The following PRKCA variants were observed in gnomAD, a reference collection of about 807,000 sequenced individuals.
PRKCA encodes protein kinase C alpha type.
In PRKCA, 27 loss-of-function variants were observed where a neutral mutation model predicts 87.0. The ratio of observed to expected loss-of-function variants is 0.31; its 90% confidence interval spans 0.23 to 0.43. The LOEUF is 0.43. PRKCA is among the 20% of genes least tolerant of loss of function. PRKCA has a pLI of 1.00. For synonymous variants in PRKCA, 329 were observed against 311.1 expected, an observed-to-expected ratio of 1.06 and a Z score of -0.61; for missense variants, 518 against 852.3, an observed-to-expected ratio of 0.61 and a Z score of 4.88.
At chr17:66,569,633 G>A (rs1453928563) in intron 3 of PRKCA, among the ~76,000 whole-genome samples, 1 of 152,118 alleles carries the variant, frequency 6.6e-6, no homozygotes, top group Non-Finnish European at 1.5e-5. Context: ...AAAATGGGGA[G>A]GAGATTTGTA....
chr17:66,351,472 C>T (rs765718930), intron 2 of PRKCA, among the ~76,000 whole-genome samples: 8 of 152,120 alleles, frequency 5.3e-5, no homozygotes, highest in Admixed American at 2.6e-4. Context: ...TTTTTAGATT[C>T]GAGAGCTCAT....
intron 5 of PRKCA, among the ~76,000 whole-genome samples, chr17:66,667,109 G>A (rs564835627): frequency 1.1e-4 from 16 of 152,316 alleles, no homozygotes; most frequent in African/African-American, 2.4e-4. Flanking sequence ...AGAGCAAGCC[G>A]AAGGTCCCTG....
chr17:66,693,035 A>G (rs1972824451), intron 8 of PRKCA, among the ~76,000 whole-genome samples: 1 of 152,258 alleles, frequency 6.6e-6, no homozygotes, highest in African/African-American at 2.4e-5. Flanking sequence ...AGTTGGATGA[A>G]AGGGAAACCA....
chr17:66,366,055 T>C (rs1908699506), intron 2 of PRKCA, among the ~76,000 whole-genome samples: 2 of 152,184 alleles, frequency 1.3e-5, no homozygotes, highest in Admixed American at 1.3e-4. Flanking sequence ...ATCCTTAAGA[T>C]TGTGAGAACT....
At chr17:66,632,744 T>A (rs1971056394) in intron 3 of PRKCA, among the ~76,000 whole-genome samples, 1 of 152,366 alleles carries the variant, frequency 6.6e-6, no homozygotes, top group South Asian at 2.1e-4. Flanking sequence ...TACAGAAAGA[T>A]CTAGCTCATT....
At chr17:66,772,995 A>G (rs1404221785) in intron 13 of PRKCA, among the ~76,000 whole-genome samples, 2 of 152,074 alleles carry the variant, frequency 1.3e-5, no homozygotes, top group Non-Finnish European at 2.9e-5. Flanking sequence ...AAATGTTTTA[A>G]TAGTATTATT....
rs935901107 is a variant in PRKCA, at chr17:66,689,949, CAT to C, written c.918+903_918+904del. Among the ~76,000 whole-genome samples, 20 of 152,238 alleles carry C rather than the reference CAT, an allele frequency of 1.3e-4. No homozygotes were observed. Among genetic ancestry groups the C allele is most frequent in the South Asian group, 4.2e-4 (2 of 4,808 alleles). On this transcript the variant is annotated intron_variant, in intron 8 of 16. Coordinates refer to ENST00000413366, the MANE Select transcript of PRKCA (RefSeq NM_002737.3). This position sits in a 1 kb window ranked among gnomAD's most constrained non-coding sequence, Gnocchi z 4.1. Reference sequence around the variant, plus strand: ...AGAGCAGTACACGTGCACACGCACACATGTGTGTAGATGCTGAACTGCTACTG... The same window carrying C: ...AGAGCAGTACACGTGCACACGCACACGTGTGTAGATGCTGAACTGCTACTG...
chr17:66,572,427 A>G (rs748497558), intron 3 of PRKCA, among the ~76,000 whole-genome samples: 4 of 152,174 alleles, frequency 2.6e-5, no homozygotes, highest in Non-Finnish European at 4.4e-5. Context: ...AGATTGCACC[A>G]TGACACTCCA....
At chr17:66,580,112 T>A (rs1460082448) in intron 3 of PRKCA, among the ~76,000 whole-genome samples, 1 of 152,196 alleles carries the variant, frequency 6.6e-6, no homozygotes, top group East Asian at 1.9e-4. Context: ...AGAAGCAAGA[T>A]GTTTCATTGG....
rs757182876 is a variant in PRKCA at position 66,303,065 on chromosome 17, C to T, written c.173+41C>T. ...GGCACTCCTGCCCCGCTCCTCCCCG[C>T]CTCCGGGTCCCGGCACCCGGCGCTC... On this transcript the variant is annotated intron_variant, in intron 1 of 16. Coordinates refer to ENST00000413366, the MANE Select transcript of PRKCA (RefSeq NM_002737.3). The T allele has an allele frequency of 7.0e-6, 11 of 1,581,306 alleles. No individual in the cohort carries two copies. The East Asian group carries it at 2.4e-4, about 35-fold the overall frequency.
At chr17:66,374,979 C>T (rs891352458) in intron 2 of PRKCA, among the ~76,000 whole-genome samples, 5 of 152,022 alleles carry the variant, frequency 3.3e-5, no homozygotes, top group African/African-American at 4.8e-5. Flanking sequence ...GAAATCTGCC[C>T]GCCTTGGCCT....
chr17:66,396,056 G>GTTTT (rs10640308), intron 2 of PRKCA, among the ~76,000 whole-genome samples: 2 of 148,960 alleles, frequency 1.3e-5, no homozygotes, highest in South Asian at 2.1e-4. Flanking sequence ...GGGTTTAACT[G>GTTTT]TTTTTTTTTT....
intron 8 of PRKCA, among the ~76,000 whole-genome samples, chr17:66,715,130 GT>G (rs60727876): frequency 0.029 from 4,129 of 144,186 alleles, 175 homozygotes; most frequent in African/African-American, 0.097. Flanking sequence ...TTGTTTTTTG[GT>G]TTTTTTTTTT....
intron 3 of PRKCA, among the ~76,000 whole-genome samples, chr17:66,611,265 G>A (rs1970355994): frequency 1.3e-5 from 2 of 152,098 alleles, no homozygotes; most frequent in South Asian, 4.1e-4. Flanking sequence ...GCCTAGAGTT[G>A]TACAAATGCT....
intron 2 of PRKCA, among the ~76,000 whole-genome samples, chr17:66,365,867 G>A (rs1163225189): frequency 6.6e-6 from 1 of 152,150 alleles, no homozygotes; most frequent in East Asian, 1.9e-4. Flanking sequence ...TTTCTTTGTT[G>A]TTATGAATTG....
intron 2 of PRKCA, among the ~76,000 whole-genome samples, chr17:66,316,839 T>C (rs1905342561): frequency 6.6e-6 from 1 of 151,940 alleles, no homozygotes; most frequent in African/African-American, 2.4e-5. Context: ...AGAACTAAAA[T>C]ATTTACATAT....
chr17:66,501,299 G>A (rs749313310), intron 3 of PRKCA, among the ~76,000 whole-genome samples: 1 of 152,200 alleles, frequency 6.6e-6, no homozygotes, highest in Non-Finnish European at 1.5e-5. Flanking sequence ...AAAGGCTCCT[G>A]GGTTCACAGA....
intron 3 of PRKCA, among the ~76,000 whole-genome samples, chr17:66,513,319 C>T (rs1917327172): frequency 6.6e-6 from 1 of 152,196 alleles, no homozygotes; most frequent in Non-Finnish European, 1.5e-5. Flanking sequence ...CTTTCTATGA[C>T]TGTGATGCCA....
At chr17:66,549,228 TAGAG>T (rs551786346) in intron 3 of PRKCA, among the ~76,000 whole-genome samples, 31 of 151,870 alleles carry the variant, frequency 2.0e-4, no homozygotes, top group Admixed American at 1.6e-3. Flanking sequence ...AACTGAGGCT[TAGAG>T]AGATGGATTA....
Sources: allele counts gnomAD v4.1 joint callset (sites outside exome capture counted in the v4.1 genomes callset), GRCh38; gene constraint gnomAD v4.1.1; non-coding constraint Gnocchi (gnomAD v3.1); transcripts MANE v1.5; gene names NCBI Gene and HGNC (gene_info 2026-07-23, HGNC 2026-07-21).